RHCE: variants seen among roughly 807,000 people sequenced by gnomAD.
RHCE encodes the protein Rh blood group CcEe antigens.
In RHCE, 22 loss-of-function variants were observed where a neutral mutation model predicts 43.8. The ratio of observed to expected loss-of-function variants is 0.50; its 90% CI spans 0.36 to 0.72. The LOEUF (loss-of-function observed/expected upper bound fraction) is 0.72. Ranked by LOEUF, RHCE falls within the 30% of genes least tolerant of loss-of-function variation. The pLI is 0.00. For synonymous variants in RHCE, 156 were observed against 210.7 expected (o/e 0.74, Z 2.25); for missense variants, 385 against 525.4 (o/e 0.73, Z 2.61).
chr1:25,421,341 T>G (rs2042757411), upstream of RHCE, among the ~76,000 whole-genome samples: 1 of 152,212 alleles, frequency 6.6e-6, no homozygotes, highest in Non-Finnish European at 1.5e-5. Flanking sequence ...CACGTAGAAT[T>G]GACTCCTCAT....
chr1:25,385,642 C>T, intron 7 of RHCE, 69 bp downstream of exon 7: 3 of 1,611,686 alleles, frequency 1.9e-6, no homozygotes, highest in Non-Finnish European at 1.7e-6. Context: ...CAGCTAAGGA[C>T]TCTGCACACA....
upstream of RHCE, among the ~76,000 whole-genome samples, chr1:25,421,422 G>C (rs1252389892): frequency 6.6e-6 from 1 of 152,184 alleles, no homozygotes; most frequent in African/African-American, 2.4e-5. Context: ...ATTTTAAGGG[G>C]GGGTGGCAGA....
At chr1:25,375,254 TG>T in intron 8 of RHCE, 94 bp downstream of exon 8, 2 of 1,173,552 alleles carry the variant, frequency 1.7e-6, no homozygotes, top group Non-Finnish European at 2.6e-6. Flanking sequence ...GGGAAGGAGA[TG>T]GGGCACATAG....
At chr1:25,411,340 C>G in intron 1 of RHCE, 1 of 1,550,540 alleles carries the variant, frequency 6.4e-7, no homozygotes, top group South Asian at 1.2e-5. Flanking sequence ...AGGAACTCAC[C>G]TGCCACTGGT....
At chr1:25,420,901 T>C (rs560518185), upstream of RHCE, 1 of 1,552,676 alleles carries the variant, frequency 6.4e-7, no homozygotes, top group African/African-American at 1.4e-5. Flanking sequence ...AGGCCTTATC[T>C]CAGGCTGCAA....
At chr1:25,390,975 C>T (rs547185026) in intron 4 of RHCE, 60 bp from the exon 5 acceptor site, 442 of 1,611,930 alleles carry the variant, frequency 2.7e-4, no homozygotes, top group South Asian at 8.1e-4. Flanking sequence ...GTCTGAGCCT[C>T]GAGGGGTTTT....
chr1:25,415,418 C>T (rs58564848), intron 1 of RHCE, among the ~76,000 whole-genome samples: 1,893 of 152,180 alleles, frequency 0.012, 26 homozygotes, highest in African/African-American at 0.042. Flanking sequence ...TTTGGGAGGC[C>T]GAGGCGGGTG....
At chr1:25,423,606 C>G (rs967056149), upstream of RHCE, among the ~76,000 whole-genome samples, 5 of 152,212 alleles carry the variant, frequency 3.3e-5, no homozygotes, top group African/African-American at 1.2e-4. Context: ...CCTCTCCCGA[C>G]AGATTTCTCG....
chr1:25,417,193 C>T (rs951395675), intron 1 of RHCE, among the ~76,000 whole-genome samples: 45 of 150,908 alleles, frequency 3.0e-4, no homozygotes, highest in Admixed American at 1.1e-3. Flanking sequence ...ACAAAATTAA[C>T]AATAATCCTT....
At chr1:25,385,963 T>C in intron 6 of RHCE, 119 bp from the exon 7 acceptor site, 1 of 1,439,548 alleles carries the variant, frequency 6.9e-7, no homozygotes, top group Non-Finnish European at 9.8e-7. Context: ...AAGGCTCACC[T>C]CAAAGAAGCC....
At chr1:25,370,607 A>G (rs111376989) in intron 8 of RHCE, 67 bp from the exon 9 acceptor site, 2 of 1,400,640 alleles carry the variant, frequency 1.4e-6, no homozygotes, top group South Asian at 2.3e-5. Context: ...AAGATTAATC[A>G]AAATATTGTG....
chr1:25,399,125 C>T (rs1646650728), intron 3 of RHCE: 3 of 1,182,514 alleles, frequency 2.5e-6, no homozygotes, highest in Admixed American at 1.7e-5. Flanking sequence ...CAGCTTTAAC[C>T]TTTGCTGGGC....
chr1:25,415,107 T>C (rs1460795120), intron 1 of RHCE, among the ~76,000 whole-genome samples: 1 of 152,096 alleles, frequency 6.6e-6, no homozygotes, highest in African/African-American at 2.4e-5. Flanking sequence ...CACCTCTCTA[T>C]GCCAAATCAT....
At chr1:25,415,311 A>G (rs1260432141) in intron 1 of RHCE, among the ~76,000 whole-genome samples, 2 of 152,244 alleles carry the variant, frequency 1.3e-5, no homozygotes, top group African/African-American at 4.8e-5. Flanking sequence ...TAGCTGGAAG[A>G]AAACAAGCAA....
At chr1:25,366,322 A>AT (rs560021523) in intron 9 of RHCE, among the ~76,000 whole-genome samples, 2 of 1,310 alleles carry the variant, frequency 1.5e-3, no homozygotes, top group East Asian at 0.014. Context: ...TAGTTCTGTC[A>AT]TTTTGGGCAA....
chr1:25,370,721 C>CTATTTTATTTTATTT (rs71014358), intron 8 of RHCE, among the ~76,000 whole-genome samples, 181 bp from the exon 9 acceptor site: 90 of 141,316 alleles, frequency 6.4e-4, no homozygotes, highest in African/African-American at 1.5e-3. Context: ...ATTCTGTAGA[C>CTATTTTATTTTATTT]TATTTTATTT....
intron 8 of RHCE, among the ~76,000 whole-genome samples, chr1:25,374,417 C>G (rs1440943129): frequency 1.3e-5 from 2 of 152,050 alleles, no homozygotes; most frequent in African/African-American, 4.8e-5. Context: ...ATAAGTAAAA[C>G]TGGCTAATTA....
intron 2 of RHCE, among the ~76,000 whole-genome samples, chr1:25,427,392 T>A (rs2042812184): frequency 6.6e-6 from 1 of 152,256 alleles, no homozygotes. Context: ...CCCTTCCTTG[T>A]TTCACTCATT....
intron 6 of RHCE, 90 bp from the exon 7 acceptor site, chr1:25,385,934 C>G: frequency 6.3e-7 from 1 of 1,598,826 alleles, no homozygotes; most frequent in Non-Finnish European, 8.6e-7. Context: ...TCCGGCGCCA[C>G]CAAATGGGGA....
Sources: gnomAD v4.1 joint callset for allele counts (sites outside exome capture counted in the v4.1 genomes callset) on GRCh38, gnomAD v4.1.1 for gene constraint, MANE v1.5 for transcripts, NCBI Gene and HGNC (gene_info 2026-07-23, HGNC 2026-07-21) for gene names.